Variants in STAT5B observed in about 807,000 individuals in gnomAD.
STAT5B encodes the protein signal transducer and activator of transcription 5B.
Under a neutral mutation model 107.8 loss-of-function variants are expected in STAT5B, and 21 were observed. That is an observed-to-expected ratio of 0.19 (90% CI 0.14 to 0.28). STAT5B has a LOEUF of 0.28. Ranked by LOEUF, STAT5B falls within the 10% of genes least tolerant of loss-of-function variation. The pLI, the probability that STAT5B is intolerant of heterozygous loss-of-function variation, is 1.00. For missense variants in STAT5B, 565 were observed against 1,008.2 expected (o/e 0.56, Z 5.95); for synonymous variants, 325 against 401.7 (o/e 0.81, Z 2.28).
intron 1 of STAT5B, among the ~76,000 whole-genome samples, chr17:42,260,324 A>G (rs1348267786): frequency 6.6e-6 from 1 of 152,246 alleles, no homozygotes; most frequent in Non-Finnish European, 1.5e-5. Flanking sequence ...GAGAGATTTT[A>G]TAACTGTAAG....
upstream of STAT5B, among the ~76,000 whole-genome samples, chr17:42,280,457 A>G (rs1043524327): frequency 1.1e-4 from 16 of 152,088 alleles, no homozygotes; most frequent in Admixed American, 9.2e-4. Context: ...AGCCACAACC[A>G]TGATCCCCTC....
the STAT5B span, among the ~76,000 whole-genome samples, chr17:42,286,258 C>T: frequency 6.7e-6 from 1 of 149,230 alleles, no homozygotes; most frequent in African/African-American, 2.5e-5. Flanking sequence ...AAAAAAAACC[C>T]AGAAGGGGAA....
intron 5 of STAT5B, among the ~76,000 whole-genome samples, chr17:42,222,265 C>T (rs529432098): frequency 1.3e-5 from 2 of 151,976 alleles, no homozygotes; most frequent in South Asian, 2.1e-4. Flanking sequence ...CTGAGCTGGG[C>T]ATGGAAGCAG....
At chr17:42,242,578 G>A (rs923971749) in intron 1 of STAT5B, among the ~76,000 whole-genome samples, 2 of 151,770 alleles carry the variant, frequency 1.3e-5, no homozygotes, top group Admixed American at 1.3e-4. Context: ...TCCAAATTGT[G>A]AGACTCTAAT....
chr17:42,274,530 A>C (rs999014237), intron 1 of STAT5B, among the ~76,000 whole-genome samples: 2 of 152,216 alleles, frequency 1.3e-5, no homozygotes, highest in African/African-American at 4.8e-5. Flanking sequence ...AACAACTGTG[A>C]TCTTCCATGA....
In STAT5B at chr17:42,217,970, T is replaced by C. The variant is rs867498090; in HGVS notation, c.1169+181A>G. ...ATCTGCCCACCTCGGCCTCTTAAAG[T>C]GCTTGGATTACAGGTGTGAGCCACC... On this transcript the variant is annotated intron_variant, in intron 9 of 18. Coordinates refer to ENST00000293328, the MANE Select transcript of STAT5B (RefSeq NM_012448.4). The C allele has an allele frequency of 1.2e-5, 13 of 1,057,238 alleles. No homozygotes were observed. The South Asian group carries it at 2.0e-4, about 16-fold the overall frequency. 65.5% of individuals were successfully genotyped at this position (1,057,238 alleles called of 1,614,324 possible).
intron 1 of STAT5B, among the ~76,000 whole-genome samples, chr17:42,241,340 CAAA>C (rs774158422): frequency 2.8e-5 from 2 of 72,524 alleles, no homozygotes. Flanking sequence ...AACTCCATCT[CAAA>C]AAAAAAAAAA....
At chr17:42,249,593 T>C (rs2080480947) in intron 1 of STAT5B, among the ~76,000 whole-genome samples, 1 of 152,120 alleles carries the variant, frequency 6.6e-6, no homozygotes, top group African/African-American at 2.4e-5. Flanking sequence ...AATGAATATA[T>C]AAGTTTCTTA....
At chr17:42,230,555 C>T (rs2080309358) in intron 2 of STAT5B, among the ~76,000 whole-genome samples, 1 of 152,124 alleles carries the variant, frequency 6.6e-6, no homozygotes, top group South Asian at 2.1e-4. Flanking sequence ...CTCTCCCCTC[C>T]CCCAAGTATG....
intron 1 of STAT5B, among the ~76,000 whole-genome samples, chr17:42,255,748 G>A (rs1278346423): frequency 1.3e-5 from 2 of 152,142 alleles, no homozygotes; most frequent in African/African-American, 2.4e-5. Context: ...AGGTGCTGAC[G>A]GTCACACAAC....
At chr17:42,278,943 C>T (rs959365602), upstream of STAT5B, among the ~76,000 whole-genome samples, 2 of 151,632 alleles carry the variant, frequency 1.3e-5, no homozygotes, top group South Asian at 2.1e-4. Flanking sequence ...CACGAAACTG[C>T]ACTCCAGCCT....
intron 1 of STAT5B, among the ~76,000 whole-genome samples, chr17:42,257,962 C>T (rs1250668855): frequency 6.6e-6 from 1 of 152,030 alleles, no homozygotes; most frequent in Non-Finnish European, 1.5e-5. Context: ...CACTAGACAA[C>T]CAGGGAATTA....
chr17:42,268,097 G>A (rs2080690000), intron 1 of STAT5B, among the ~76,000 whole-genome samples: 1 of 152,032 alleles, frequency 6.6e-6, no homozygotes, highest in African/African-American at 2.4e-5. Flanking sequence ...CTACAGTAAT[G>A]TACAGTAATG....
rs374070270 is a variant in STAT5B, at chr17:42,210,433, T to C, written c.1745A>G (p.Lys582Arg). 9 of 1,614,196 alleles carry C rather than the reference T, an allele frequency of 5.6e-6. No individual in the cohort carries two copies. The highest frequency in any genetic ancestry group is 1.1e-5 in the South Asian group (1 of 91,082). ...QWFDGVMEVL[K>R]KHLKPHWNDG... ...ATTCCAATGAGGCTTGAGATGTTTT[T>C]TTAACACTTCCATCACACCGTCAAA... The change falls in exon 14 of 19, where the codon AAA becomes AGA. Residue 582 changes from lysine to arginine, a missense_variant. Physicochemically the swap from Lys to Arg is conservative, Grantham distance 26. Coordinates refer to ENST00000293328, the MANE Select transcript of STAT5B (RefSeq NM_012448.4).
At chr17:42,241,280 C>G (rs1022888622) in intron 1 of STAT5B, among the ~76,000 whole-genome samples, 1 of 146,980 alleles carries the variant, frequency 6.8e-6, no homozygotes, top group African/African-American at 2.5e-5. Context: ...GTAGAAGTTG[C>G]GGTGAGCTGA....
At chr17:42,253,656 G>A (rs571943398) in intron 1 of STAT5B, among the ~76,000 whole-genome samples, 1 of 152,174 alleles carries the variant, frequency 6.6e-6, no homozygotes, top group East Asian at 1.9e-4. Context: ...TTTCCAATAG[G>A]AGCCAGTCTT....
At chr17:42,259,730 T>C (rs2080578105) in intron 1 of STAT5B, among the ~76,000 whole-genome samples, 1 of 151,808 alleles carries the variant, frequency 6.6e-6, no homozygotes, top group Non-Finnish European at 1.5e-5. Context: ...GAGGCTTCAG[T>C]GAGCCAAGAT....
chr17:42,222,183 T>C (rs2080235434), intron 5 of STAT5B, among the ~76,000 whole-genome samples: 1 of 149,334 alleles, frequency 6.7e-6, no homozygotes, highest in Non-Finnish European at 1.5e-5. Flanking sequence ...GTGTGTGTGC[T>C]GTGTTGTCTG....
chr17:42,284,285 T>C, the STAT5B span, among the ~76,000 whole-genome samples: 1 of 151,502 alleles, frequency 6.6e-6, no homozygotes, highest in Non-Finnish European at 1.5e-5. Context: ...TTTCTTTTTG[T>C]GACGGAGTTT....
Sources: allele counts gnomAD v4.1 joint callset (sites outside exome capture counted in the v4.1 genomes callset), GRCh38; gene constraint gnomAD v4.1.1; transcripts MANE v1.5; gene names NCBI Gene and HGNC (gene_info 2026-07-23, HGNC 2026-07-21).